MCTP2: variants seen among roughly 807,000 people sequenced by gnomAD.
The protein encoded by MCTP2 is multiple C2 and transmembrane domain containing 2, also known as multiple C2 and transmembrane domain-containing protein 2.
In MCTP2, 132 loss-of-function variants were observed where a neutral mutation model predicts 111.6. That is an observed-to-expected ratio of 1.18 (90% CI 1.03 to 1.37). The LOEUF (loss-of-function observed/expected upper bound fraction) is 1.37, where lower values mean the gene tolerates loss of function less well. Ranked by LOEUF, MCTP2 falls within the 40% of genes most tolerant of loss-of-function variation. MCTP2 has a pLI of 0.00. For synonymous variants in MCTP2, 395 were observed against 387.7 expected (o/e 1.02, Z -0.22); for missense variants, 1,183 against 1,067.9 (o/e 1.11, Z -1.50).
chr15:94,346,415 A>G (rs2077984848), intron 8 of MCTP2, among the ~76,000 whole-genome samples: 1 of 152,156 alleles, frequency 6.6e-6, no homozygotes, highest in South Asian at 2.1e-4. Context: ...AAATTCCTTC[A>G]ACATTTGCCT....
At chr15:94,292,649 G>T (rs571722276) in intron 1 of MCTP2, among the ~76,000 whole-genome samples, 1 of 152,348 alleles carries the variant, frequency 6.6e-6, no homozygotes, top group Non-Finnish European at 1.5e-5. Flanking sequence ...CCATGTGCTT[G>T]TATTGGAGAC....
At chr15:94,306,412 A>G (rs1057328625) in intron 2 of MCTP2, among the ~76,000 whole-genome samples, 5 of 152,216 alleles carry the variant, frequency 3.3e-5, no homozygotes, top group African/African-American at 1.2e-4. Flanking sequence ...AATGTCATCC[A>G]GCTAGTAAGT....
chr15:94,421,364 G>A (rs2082622389), intron 17 of MCTP2, among the ~76,000 whole-genome samples: 1 of 152,166 alleles, frequency 6.6e-6, no homozygotes, highest in Non-Finnish European at 1.5e-5. Flanking sequence ...CTGTACAATT[G>A]TATTAATTTT....
At chr15:94,412,308 AC>A (rs1444751595) in intron 17 of MCTP2, among the ~76,000 whole-genome samples, 1 of 150,140 alleles carries the variant, frequency 6.7e-6, no homozygotes, top group Non-Finnish European at 1.5e-5. Flanking sequence ...TTTTTTAGGT[AC>A]ATTTTCCCTC....
intron 7 of MCTP2, 126 bp from the exon 8 acceptor site, chr15:94,345,003 A>G: frequency 9.1e-7 from 1 of 1,103,200 alleles, no homozygotes; most frequent in Non-Finnish European, 1.3e-6. Flanking sequence ...ATAACCTCAG[A>G]ACTTGGATAT....
At chr15:94,431,377 G>A (rs2083176941) in intron 17 of MCTP2, among the ~76,000 whole-genome samples, 1 of 152,222 alleles carries the variant, frequency 6.6e-6, no homozygotes, top group African/African-American at 2.4e-5. Flanking sequence ...CCTAGAATGT[G>A]TGGTGCAGTT....
At chr15:94,383,902 G>A (rs2080300519) in intron 12 of MCTP2, 120 bp from the exon 13 acceptor site, 1 of 706,948 alleles carries the variant, frequency 1.4e-6, no homozygotes, top group South Asian at 1.8e-5. Flanking sequence ...TGACTCATTG[G>A]AAAAGCAGTC....
intron 20 of MCTP2, among the ~76,000 whole-genome samples, chr15:94,458,512 A>G (rs991136987): frequency 1.3e-5 from 2 of 152,200 alleles, no homozygotes; most frequent in African/African-American, 4.8e-5. Flanking sequence ...ACTCAAAAAT[A>G]TATCAGTTTG....
At chr15:94,300,051 T>A (rs924542526) in intron 2 of MCTP2, among the ~76,000 whole-genome samples, 1 of 152,198 alleles carries the variant, frequency 6.6e-6, no homozygotes. Flanking sequence ...TTAAATCAGG[T>A]CAGTATAAGG....
chr15:94,239,227 A>G (rs2070769870), intron 1 of MCTP2, among the ~76,000 whole-genome samples: 2 of 152,202 alleles, frequency 1.3e-5, no homozygotes, highest in South Asian at 4.1e-4. Context: ...TACAATAACC[A>G]TTATTGCTAT....
rs769897428 is a variant in MCTP2, at chr15:94,298,701, C to T, written c.436C>T (p.Leu146Phe). The change falls in exon 2 of 23, where the codon CTT becomes TTT. Residue 146 changes from leucine to phenylalanine, a missense_variant. Physicochemically the swap from Leu to Phe is conservative, Grantham distance 22. Coordinates refer to ENST00000357742, the MANE Select transcript of MCTP2 (RefSeq NM_001385001.1). ...NGIFDLQKTS[L>F]GGDAPEEPEK... The stretch of plus-strand genomic sequence containing the variant: ...CATCTTTGATCTTCAGAAAACTTCC[C>T]TTGGAGGGGATGCACCAGAAGAGCC... 8 of 1,610,986 alleles carry T rather than the reference C, an allele frequency of 5.0e-6. No homozygotes were observed. In the South Asian group the frequency reaches 6.6e-5, roughly 13 times the overall value.
At chr15:94,406,855 G>GTT (rs1491113750) in intron 17 of MCTP2, among the ~76,000 whole-genome samples, 102 of 132,590 alleles carry the variant, frequency 7.7e-4, no homozygotes, top group African/African-American at 2.7e-3. Flanking sequence ...GGACTTTTCA[G>GTT]TTGTTTTTTT....
At chr15:94,289,210 T>C (rs2074918098) in intron 1 of MCTP2, among the ~76,000 whole-genome samples, 1 of 152,066 alleles carries the variant, frequency 6.6e-6, no homozygotes, top group South Asian at 2.1e-4. Context: ...TGCTAAAAAC[T>C]TAAAAAAATA....
intron 4 of MCTP2, among the ~76,000 whole-genome samples, chr15:94,318,734 G>A (rs895305707): frequency 2.0e-5 from 3 of 152,102 alleles, no homozygotes; most frequent in Admixed American, 1.3e-4. Context: ...AGCAGATTCC[G>A]AGTAGATGGT....
intron 1 of MCTP2, among the ~76,000 whole-genome samples, chr15:94,293,232 T>C (rs2075110138): frequency 6.6e-6 from 1 of 152,066 alleles, no homozygotes; most frequent in Non-Finnish European, 1.5e-5. Context: ...AATTAAAAAC[T>C]TTTACTGTGC....
chr15:94,256,147 C>G (rs1468754354), intron 1 of MCTP2, among the ~76,000 whole-genome samples: 7 of 152,240 alleles, frequency 4.6e-5, no homozygotes, highest in Admixed American at 6.5e-5. Flanking sequence ...ACACCTGACC[C>G]TGTGTGATGG....
intron 1 of MCTP2, among the ~76,000 whole-genome samples, chr15:94,247,061 C>T (rs1166326842): frequency 6.6e-6 from 1 of 152,148 alleles, no homozygotes; most frequent in Non-Finnish European, 1.5e-5. Flanking sequence ...TCATGCTTCA[C>T]ATGAGTGTAG....
At chr15:94,257,918 C>T (rs1287596890) in intron 1 of MCTP2, among the ~76,000 whole-genome samples, 4 of 151,238 alleles carry the variant, frequency 2.6e-5, no homozygotes, top group South Asian at 2.1e-4. Flanking sequence ...CATGCTCTGC[C>T]GCCCAGGCTG....
intron 14 of MCTP2, among the ~76,000 whole-genome samples, chr15:94,391,233 G>A (rs1289629674): frequency 1.3e-5 from 2 of 151,938 alleles, no homozygotes; most frequent in African/African-American, 4.8e-5. Context: ...TTCTATAATG[G>A]CTTGTACCAA....
Sources: gnomAD v4.1 joint callset for allele counts (sites outside exome capture counted in the v4.1 genomes callset) on GRCh38, gnomAD v4.1.1 for gene constraint, MANE v1.5 for transcripts, NCBI Gene and HGNC (gene_info 2026-07-23, HGNC 2026-07-21) for gene names.